Variants in HTR2C observed in about 807,000 individuals in gnomAD.
HTR2C encodes the protein 5-hydroxytryptamine (serotonin) receptor 2C, G protein-coupled.
Under a neutral mutation model 21.0 loss-of-function variants are expected in HTR2C, and 5 were observed. The ratio of observed to expected loss-of-function variants is 0.24; its 90% CI spans 0.12 to 0.50. The LOEUF (loss-of-function observed/expected upper bound fraction) is 0.50, where lower values mean the gene tolerates loss of function less well. Ranked by LOEUF, HTR2C falls within the 20% of genes least tolerant of loss-of-function variation. The probability of loss-of-function intolerance (pLI) is 0.98; values close to 1 mark genes in which losing one functional copy is unlikely to be tolerated. For synonymous variants in HTR2C, 150 were observed against 145.3 expected, an observed-to-expected ratio of 1.03 and a Z score of -0.23; for missense variants, 271 against 371.2, an observed-to-expected ratio of 0.73 and a Z score of 2.22.
chrX:114,610,427 G>A (rs1928674254), intron 1 of HTR2C, among the ~76,000 whole-genome samples: 1 of 111,812 alleles, frequency 8.9e-6, no homozygotes, highest in Non-Finnish European at 1.9e-5. Flanking sequence ...TTCTCAGGGT[G>A]GGCTGAAAAC....
intron 2 of HTR2C, among the ~76,000 whole-genome samples, chrX:114,624,248 G>A (rs1285143792): frequency 1.8e-5 from 2 of 110,761 alleles, no homozygotes; most frequent in African/African-American, 6.6e-5. Flanking sequence ...GAGCATAAGC[G>A]CTCAATAAAT....
At chrX:114,821,878 C>CTTTT (rs782532204) in intron 4 of HTR2C, among the ~76,000 whole-genome samples, 3 of 93,971 alleles carry the variant, frequency 3.2e-5, no homozygotes, top group Non-Finnish European at 4.3e-5. Flanking sequence ...ACTAAATATC[C>CTTTT]TTTTTTTTTT....
At chrX:114,828,783 G>T (rs2070697826) in intron 4 of HTR2C, among the ~76,000 whole-genome samples, 1 of 111,295 alleles carries the variant, frequency 9.0e-6, no homozygotes, top group South Asian at 3.7e-4. Context: ...TGTCTTTAAG[G>T]ATTTACCTAT....
chrX:114,606,835 G>T (rs1928463768), intron 1 of HTR2C, among the ~76,000 whole-genome samples: 1 of 111,472 alleles, frequency 9.0e-6, no homozygotes, highest in Admixed American at 9.4e-5. Flanking sequence ...CAGGCTTCGT[G>T]TGAGCAACAT....
At chrX:114,802,022 G>T (rs1569495188) in intron 4 of HTR2C, among the ~76,000 whole-genome samples, 1 of 110,774 alleles carries the variant, frequency 9.0e-6, no homozygotes. Flanking sequence ...AGTCTCTGAT[G>T]AAAGTAGTAG....
chrX:114,703,205 A>T (rs1322342677), intron 2 of HTR2C, among the ~76,000 whole-genome samples: 36 of 105,344 alleles, frequency 3.4e-4, no homozygotes, highest in African/African-American at 1.2e-3. Flanking sequence ...CTGCACCAAG[A>T]GGACCTAATA....
At chrX:114,705,824 A>G (rs1392452250) in intron 2 of HTR2C, among the ~76,000 whole-genome samples, 17 of 77,422 alleles carry the variant, frequency 2.2e-4, no homozygotes, top group African/African-American at 7.1e-4. Flanking sequence ...CAAAGGGCTA[A>G]TATCCAGAAT....
intron 4 of HTR2C, among the ~76,000 whole-genome samples, chrX:114,814,315 C>G (rs187711188): frequency 2.9e-4 from 32 of 110,499 alleles, no homozygotes; most frequent in African/African-American, 1.1e-3. Flanking sequence ...AGAATACTTA[C>G]AAGTCATCAC....
At chrX:114,711,376 A>G (rs1932889585) in intron 2 of HTR2C, among the ~76,000 whole-genome samples, 1 of 111,928 alleles carries the variant, frequency 8.9e-6, no homozygotes, top group Non-Finnish European at 1.9e-5. Context: ...AGCAGCTCGC[A>G]TATCTTTCAT....
chrX:114,691,476 ACTCT>A (rs1321217473), intron 2 of HTR2C, among the ~76,000 whole-genome samples: 14 of 110,834 alleles, frequency 1.3e-4, no homozygotes, highest in African/African-American at 3.3e-4. Context: ...TTTTTTGTTG[ACTCT>A]CTATCTTTGA....
intron 2 of HTR2C, among the ~76,000 whole-genome samples, chrX:114,617,317 G>A (rs1238310637): frequency 9.0e-6 from 1 of 111,702 alleles, no homozygotes; most frequent in Non-Finnish European, 1.9e-5. Context: ...GTGCAAACCT[G>A]TAGTTCTAGC....
Position 114,650,910 on chromosome X carries a change from A to G in HTR2C, c.-80+37029A>G, listed in dbSNP as rs782589654. On this transcript the variant is annotated intron_variant, in intron 2 of 5. Transcript: ENST00000276198. Reference sequence around the variant, plus strand: ...AAAGACACAGTAAGATGATGAAAAGATTAGAAAATAAAACCTATGAAGAGG... The same window carrying G: ...AAAGACACAGTAAGATGATGAAAAGGTTAGAAAATAAAACCTATGAAGAGG... Among the ~76,000 whole-genome samples, 7 of 111,954 alleles carry G rather than the reference A, an allele frequency of 6.3e-5. No individual in the cohort carries two copies. In the East Asian group the frequency reaches 2.0e-3, roughly 32 times the overall value.
At chrX:114,681,507 G>A (rs1443159179) in intron 2 of HTR2C, among the ~76,000 whole-genome samples, 1 of 110,655 alleles carries the variant, frequency 9.0e-6, no homozygotes, top group Non-Finnish European at 1.9e-5. Context: ...GCAAGTTTTA[G>A]CAATGAGTAA....
In HTR2C at chrX:114,800,169, G is replaced by C. The variant is rs934163773; in HGVS notation, c.350-47834G>C. On this transcript the variant is annotated intron_variant, in intron 4 of 5. Coordinates refer to ENST00000276198, the MANE Select transcript of HTR2C (RefSeq NM_000868.4). Reference sequence around the variant, plus strand: ...ATGTCATCAGGGAACCTAGCCCTTTGAGTCAATGTCAGAGGAAGCTGGAAA... The same window carrying C: ...ATGTCATCAGGGAACCTAGCCCTTTCAGTCAATGTCAGAGGAAGCTGGAAA... Among the ~76,000 whole-genome samples the C allele has an allele frequency of 2.7e-5, 3 of 110,796 alleles. No homozygotes were observed. The East Asian group carries it at 8.5e-4, about 32-fold the overall frequency.
chrX:114,828,576 A>G (rs2070696256), intron 4 of HTR2C, among the ~76,000 whole-genome samples: 1 of 112,148 alleles, frequency 8.9e-6, no homozygotes. Context: ...GATAAAATTC[A>G]TATAACAAAA....
At chrX:114,715,229 G>A (rs184119497) in intron 2 of HTR2C, 1 of 354,937 alleles carries the variant, frequency 2.8e-6, no homozygotes, top group East Asian at 8.1e-5. Flanking sequence ...AAGAGCTGTT[G>A]GAGAGACGAG....
chrX:114,806,596 TCATATATACAC>T (rs1231364335), intron 4 of HTR2C, among the ~76,000 whole-genome samples: 2 of 54,239 alleles, frequency 3.7e-5, no homozygotes, highest in African/African-American at 7.3e-5. Context: ...ATCATATATA[TCATATATACAC>T]CATATATACA....
chrX:114,877,187 T>C (rs1556478499), intron 5 of HTR2C, among the ~76,000 whole-genome samples: 1 of 111,587 alleles, frequency 9.0e-6, no homozygotes, highest in African/African-American at 3.2e-5. Flanking sequence ...TTGTATGTTT[T>C]TAAAGAAATG....
At chrX:114,792,110 A>G (rs941784507) in intron 4 of HTR2C, among the ~76,000 whole-genome samples, 10 of 111,910 alleles carry the variant, frequency 8.9e-5, no homozygotes, top group Non-Finnish European at 1.9e-4. Context: ...TTTTATTTTT[A>G]TTTTAATTTT....
Sources: gnomAD v4.1 joint callset for allele counts (sites outside exome capture counted in the v4.1 genomes callset) on GRCh38, gnomAD v4.1.1 for gene constraint, MANE v1.5 for transcripts, NCBI Gene and HGNC (gene_info 2026-07-23, HGNC 2026-07-21) for gene names.